The following C1orf202 variants were observed in gnomAD, a reference collection of about 807,000 sequenced individuals.
The protein encoded by C1orf202 is uncharacterized protein C1orf202.
chr1:244,730,542 C>A, the C1orf202 span: 2 of 368,906 alleles, frequency 5.4e-6, no homozygotes, highest in Non-Finnish European at 9.7e-6. Flanking sequence ...GCCTCGTGGC[C>A]GCCCTGCGCG....
At chr1:244,730,739 C>G in the C1orf202 span, 1 of 383,164 alleles carries the variant, frequency 2.6e-6, no homozygotes, top group Non-Finnish European at 4.6e-6. Flanking sequence ...CCTGCGCGGG[C>G]CGCGGAACAG....
chr1:244,730,525 G>T, the C1orf202 span: 15 of 362,816 alleles, frequency 4.1e-5, no homozygotes, highest in Middle Eastern at 1.4e-3. Flanking sequence ...TCTGGGGTCC[G>T]GCCGCGGCCT....
chr1:244,730,820 G>T, the C1orf202 span: 1 of 378,510 alleles, frequency 2.6e-6, no homozygotes, highest in Non-Finnish European at 4.7e-6. Flanking sequence ...GACCGCCTCC[G>T]GATCCCCGCG....
chr1:244,730,795 C>A, the C1orf202 span: 2 of 377,672 alleles, frequency 5.3e-6, no homozygotes, highest in Non-Finnish European at 9.4e-6. Context: ...CGTCGCCGGC[C>A]ACCGCGCGCC....
chr1:244,730,161 C>T, the C1orf202 span: 126 of 203,314 alleles, frequency 6.2e-4, 1 homozygote, highest in East Asian at 0.014. Context: ...CAGCGCTTCC[C>T]AGCCCGCAGC....
At chr1:244,730,897 G>T in the C1orf202 span, 450 of 385,226 alleles carry the variant, frequency 1.2e-3, 3 homozygotes, top group Non-Finnish European at 9.2e-5. Flanking sequence ...CGCCGCGCCG[G>T]GGGCCACCAA....
the C1orf202 span, chr1:244,730,762 C>A: frequency 6.5e-5 from 25 of 381,682 alleles, no homozygotes; most frequent in East Asian, 8.9e-4. Flanking sequence ...GCCGCCAGCA[C>A]CAGCACCCAG....
chr1:244,730,469 G>C, the C1orf202 span: 4 of 345,328 alleles, frequency 1.2e-5, no homozygotes, highest in East Asian at 1.3e-4. Context: ...CCGGCGGCGG[G>C]GCTGGCGCGC....
chr1:244,730,212 C>A, the C1orf202 span: 5 of 226,724 alleles, frequency 2.2e-5, no homozygotes, highest in African/African-American at 9.2e-5. Flanking sequence ...GCGGCACCCG[C>A]AGGCTTTAGT....
chr1:244,730,155 G>A, the C1orf202 span: 2 of 192,468 alleles, frequency 1.0e-5, no homozygotes, highest in Non-Finnish European at 2.1e-5. Context: ...CCGATTCAGC[G>A]CTTCCCAGCC....
chr1:244,730,234 G>A, the C1orf202 span: 1 of 225,824 alleles, frequency 4.4e-6, no homozygotes, highest in Non-Finnish European at 8.6e-6. Flanking sequence ...ACTGCTCCGA[G>A]GCCCTCGGAC....
the C1orf202 span, chr1:244,730,840 G>A: frequency 1.1e-5 from 4 of 380,078 alleles, no homozygotes; most frequent in Admixed American, 4.6e-5. Context: ...GCGGAGGGGG[G>A]CCCCGCTCCA....
chr1:244,730,196 G>C, the C1orf202 span: 1 of 219,984 alleles, frequency 4.5e-6, no homozygotes, highest in Non-Finnish European at 8.8e-6. Context: ...GGGAACCCAG[G>C]GCTCCGCGGC....
the C1orf202 span, chr1:244,730,741 G>A: frequency 1.2e-4 from 46 of 383,038 alleles, no homozygotes; most frequent in East Asian, 1.4e-3. Flanking sequence ...TGCGCGGGCC[G>A]CGGAACAGCC....
At chr1:244,730,859 G>A in the C1orf202 span, 5 of 383,202 alleles carry the variant, frequency 1.3e-5, no homozygotes, top group Non-Finnish European at 2.3e-5. Flanking sequence ...CAGGCGCGCC[G>A]CCTTCTCCAG....
chr1:244,730,732 G>C, the C1orf202 span: 2 of 383,370 alleles, frequency 5.2e-6, no homozygotes, highest in East Asian at 7.4e-5. Flanking sequence ...GCTTCTTCCT[G>C]CGCGGGCCGC....
the C1orf202 span, chr1:244,730,461 G>C: frequency 8.7e-6 from 3 of 344,644 alleles, no homozygotes; most frequent in Non-Finnish European, 5.2e-6. Flanking sequence ...GTGGCTGACC[G>C]GCGGCGGGGC....
chr1:244,730,211 G>A, the C1orf202 span: 1 of 224,756 alleles, frequency 4.4e-6, no homozygotes, highest in Non-Finnish European at 8.6e-6. Context: ...CGCGGCACCC[G>A]CAGGCTTTAG....
At chr1:244,730,514 C>T in the C1orf202 span, 4 of 361,572 alleles carry the variant, frequency 1.1e-5, no homozygotes, top group African/African-American at 8.5e-5. Context: ...GGGGACGCTG[C>T]TCTGGGGTCC....
Sources: allele counts gnomAD v4.1 joint callset, GRCh38; gene constraint gnomAD v4.1.1; transcripts MANE v1.5; gene names NCBI Gene and HGNC (gene_info 2026-07-23, HGNC 2026-07-21).